Variants in GIMAP6 observed in about 807,000 individuals in gnomAD.
GIMAP6 encodes GTPase, IMAP family member 6.
In GIMAP6, 6 loss-of-function variants were observed where a neutral mutation model predicts 9.3. The observed-to-expected ratio is 0.65, with a 90% CI of 0.35 to 1.27. The LOEUF is 1.27. GIMAP6 is among the 50% of genes most tolerant of loss of function. The pLI, the probability that GIMAP6 is intolerant of heterozygous loss-of-function variation, is 0.03. For missense variants in GIMAP6, 333 were observed against 359.5 expected (o/e 0.93, Z 0.60); for synonymous variants, 156 against 151.1 (o/e 1.03, Z -0.24).
At chr7:150,631,427 GAGTT>G (rs1004072985) in intron 1 of GIMAP6, among the ~76,000 whole-genome samples, 4 of 152,178 alleles carry the variant, frequency 2.6e-5, no homozygotes, top group African/African-American at 9.7e-5. Context: ...CTACCAAAGG[GAGTT>G]AGTTCTTCCT....
rs1010565765 is a variant in GIMAP6, at chr7:150,628,093, C to T, written c.505G>A (p.Ala169Thr). 3 of 1,614,210 alleles carry T rather than the reference C, an allele frequency of 1.9e-6. No homozygotes were observed. The highest frequency in any genetic ancestry group is 2.5e-6 in the Non-Finnish European group (3 of 1,180,046). Residue 169 changes from alanine (A) to threonine (T), a missense_variant, in exon 3 of 3, where the codon GCT (alanine) becomes ACT (threonine). Ala to Thr is a moderately conservative substitution (Grantham distance 58). Transcript: ENST00000328902. Reference sequence around the variant, plus strand: ...ACATAGTCTTCCAGGGAGCCGCCAGCCAGGTCTTCCTTCCGGGTGAACACC... The same window carrying T: ...ACATAGTCTTCCAGGGAGCCGCCAGTCAGGTCTTCCTTCCGGGTGAACACC... ...ILVFTRKEDL[A>T]GGSLEDYVRE...
In GIMAP6 at chr7:150,628,268, G is replaced by A. The variant is rs369994995; in HGVS notation, c.330C>T (p.Asp110=). ...ATAAGACGATGGCTTGGCAGATAGC[G>A]TCTGCCACCTCTGGCGAGACCTGGG... ...LSPQVSPEVA[D]AICQAIVLSA... Residue 110 remains aspartate, a synonymous_variant, in exon 3 of 3, where the codon GAC becomes GAT. Transcript: ENST00000328902. The A allele has an allele frequency of 1.6e-4, 251 of 1,614,120 alleles. 1 individual carries two copies. In the South Asian group the frequency reaches 2.3e-3, roughly 15 times the overall value.
rs3735084 is a variant in GIMAP6, at chr7:150,627,737, C to T, written c.861G>A (p.Leu287=). 0.31 allele frequency: 496,329 copies of T among 1,613,202 alleles called. 76,866 individuals carry two copies. Among genetic ancestry groups the T allele is most frequent in the East Asian group, 0.33 (14,883 of 44,844 alleles). Residue 287 remains leucine (L), a synonymous_variant, in exon 3 of 3, where the codon CTG becomes CTA. Transcript: ENST00000328902. ...KESEEAHRCL[L]GKADL ...CACAGGCTCAAAGGTCAGCCTTCCC[C>T]AGCAGGCATCTGTGGGCTTCCTCAG...
chr7:150,630,599 G>A (rs1024375697), intron 1 of GIMAP6, among the ~76,000 whole-genome samples: 15 of 152,212 alleles, frequency 9.9e-5, no homozygotes, highest in African/African-American at 3.6e-4. Context: ...CCTGGAGGAC[G>A]TGAATGAGTA....
In GIMAP6 at chr7:150,628,318, T is replaced by A; in HGVS notation, c.280A>T (p.Ile94Phe). The change falls in exon 3 of 3, where the codon ATT (isoleucine) becomes TTT (phenylalanine). Residue 94 changes from isoleucine to phenylalanine, a missense_variant. By Grantham distance (21) the Ile-to-Phe change is conservative (BLOSUM62 0). Coordinates refer to ENST00000328902, the MANE Select transcript of GIMAP6 (RefSeq NM_024711.6). ...GGGGACAGAATGTTGGGTGTGTCAA[T>A]CACCTCAAGCTCCTTCCCAGCCCAC... is the stretch of plus-strand genomic sequence containing the variant. ...REWAGKELEV[I>F]DTPNILSPQV... The A allele has an allele frequency of 6.2e-7, 1 of 1,614,160 alleles. No homozygotes were observed. Among genetic ancestry groups the A allele is most frequent in the Non-Finnish European group, 8.5e-7 (1 of 1,180,000 alleles).
At chr7:150,630,238 G>T (rs1796370242) in intron 1 of GIMAP6, 96 bp from the exon 2 acceptor site, 9 of 1,016,588 alleles carry the variant, frequency 8.9e-6, no homozygotes, top group Non-Finnish European at 9.9e-6. Flanking sequence ...CTTGCCAGAG[G>T]AAAGTTTTTT....
Position 150,627,576 on chromosome 7 carries a change from T to A in GIMAP6, c.*143A>T. 1 of 957,822 alleles carries A rather than the reference T, an allele frequency of 1.0e-6. No homozygotes were observed. The highest frequency in any genetic ancestry group is 1.6e-6 in the Non-Finnish European group (1 of 614,696). 59.3% of individuals were successfully genotyped at this position (957,822 alleles called of 1,614,324 possible). A position where few individuals can be genotyped will look rare whatever the true frequency, so the allele number is the denominator to read the frequency against. On this transcript the variant is annotated 3_prime_UTR_variant, in exon 3 of 3. Transcript: ENST00000328902. ...GATCTGGGCATGCTGGACCCTGTCC[T>A]CAAGCCCCATGCCCCTCTTCCTACA...
chr7:150,630,279 T>TGG, intron 1 of GIMAP6, 137 bp from the exon 2 acceptor site: 1 of 593,300 alleles, frequency 1.7e-6, no homozygotes, highest in Non-Finnish European at 2.8e-6. Context: ...TGGGACTGAG[T>TGG]GAGGCAATGG....
chr7:150,628,552 G>T lies in GIMAP6; in HGVS notation c.86-40C>A, dbSNP rs755637582. The T allele has an allele frequency of 1.9e-6, 3 of 1,605,744 alleles. No homozygotes were observed. In the East Asian group the frequency reaches 6.7e-5, roughly 36 times the overall value. The stretch of plus-strand genomic sequence containing the variant: ...AGAAAGCAGAGGGAACTGGGGTAAG[G>T]GCCCATGTACCCCATCTTGTCATCA... On this transcript the variant is annotated intron_variant, in intron 2 of 2. Coordinates refer to ENST00000328902, the MANE Select transcript of GIMAP6 (RefSeq NM_024711.6).
At position 150,626,892 on chromosome 7, in the gene GIMAP6, T is replaced by C. The variant is rs1309952349; in HGVS notation, c.*827A>G. On this transcript the variant is annotated 3_prime_UTR_variant, in exon 3 of 3. Transcript: ENST00000328902. ...CCATGGAAAAAGGGGAAGTAACAGA[T>C]GCAAGTCATCTCTAATCTAAGTCTA... The C allele has an allele frequency of 6.6e-6, 1 of 152,250 alleles. No homozygotes were observed. The highest frequency in any genetic ancestry group is 1.5e-5 in the Non-Finnish European group (1 of 68,090). 9.4% of individuals were successfully genotyped at this position (152,250 alleles called of 1,614,324 possible).
intron 2 of GIMAP6, among the ~76,000 whole-genome samples, chr7:150,629,290 T>C (rs1234774309): frequency 1.3e-5 from 2 of 152,260 alleles, no homozygotes; most frequent in African/African-American, 2.4e-5. Context: ...CCTTGATTGC[T>C]ATAACAAAAG....
At chr7:150,629,802 T>A (rs1585183430) in intron 2 of GIMAP6, among the ~76,000 whole-genome samples, 1 of 152,214 alleles carries the variant, frequency 6.6e-6, no homozygotes, top group East Asian at 1.9e-4. Flanking sequence ...CCTTTGGGAC[T>A]GGCATGGTGA....
At chr7:150,631,937 A>G (rs1410853452) in intron 1 of GIMAP6, among the ~76,000 whole-genome samples, 1 of 151,966 alleles carries the variant, frequency 6.6e-6, no homozygotes, top group Non-Finnish European at 1.5e-5. Flanking sequence ...TACACAAAAC[A>G]CATGTACCAC....
At position 150,627,486 on chromosome 7, in the gene GIMAP6, C is replaced by A; in HGVS notation, c.*233G>T. 1 of 592,320 alleles carries A rather than the reference C, an allele frequency of 1.7e-6. No homozygotes were observed. The highest frequency in any genetic ancestry group is 3.0e-6 in the Non-Finnish European group (1 of 332,070). 36.7% of individuals were successfully genotyped at this position (592,320 alleles called of 1,614,324 possible). On this transcript the variant is annotated 3_prime_UTR_variant, in exon 3 of 3. Coordinates refer to ENST00000328902, the MANE Select transcript of GIMAP6 (RefSeq NM_024711.6). The stretch of plus-strand genomic sequence containing the variant: ...GAAGGTCCAATAGGAAGACAGCGTG[C>A]TGTTGGGGCACAGAGGAGGGAGGAC...
rs964736814 is a variant in GIMAP6 at position 150,628,446 on chromosome 7, C to T, written c.152G>A (p.Ser51Asn). Residue 51 changes from serine (S) to asparagine (N), a missense_variant, in exon 3 of 3, where the codon AGT becomes AAT. Ser to Asn is a conservative substitution (Grantham distance 46, BLOSUM62 1). Transcript: ENST00000328902. Reference protein sequence around the residue: ...LRLILMGKTGSGKSATGNSIL... With the variant: ...LRLILMGKTGNGKSATGNSIL... ...GCTGTTTCCTGTTGCACTCTTCCCA[C>T]TCCCTGTTTTCCCCATGAGAATGAG... 6.2e-6 allele frequency: 10 copies of T among 1,614,100 alleles called. No individual in the cohort carries two copies. Among genetic ancestry groups the T allele is most frequent in the Admixed American group, 1.7e-5 (1 of 60,014 alleles).
In GIMAP6 at chr7:150,627,310, G is replaced by C; in HGVS notation, c.*409C>G. 8.2e-6 allele frequency: 2 copies of C among 243,474 alleles called. No individual in the cohort carries two copies. The highest frequency in any genetic ancestry group is 1.1e-4 in the South Asian group (2 of 18,910). 15.1% of individuals were successfully genotyped at this position (243,474 alleles called of 1,614,324 possible). A position where few individuals can be genotyped will look rare whatever the true frequency, so the allele number is the denominator to read the frequency against. On this transcript the variant is annotated 3_prime_UTR_variant, in exon 3 of 3. Coordinates refer to ENST00000328902, the MANE Select transcript of GIMAP6 (RefSeq NM_024711.6). ...AGTCATCTGGTCAACAGCTTGCATG[G>C]AGTTGCCGCACCAAACGTGACTGCA...
chr7:150,628,976 A>C (rs950981552), intron 2 of GIMAP6, among the ~76,000 whole-genome samples: 2 of 152,188 alleles, frequency 1.3e-5, no homozygotes, highest in Admixed American at 1.3e-4. Context: ...CATCTCCTGA[A>C]TCTCCTGGGC....
rs2116774845 is a variant in GIMAP6 at position 150,625,734 on chromosome 7, A to G, written c.*1985T>C. The G allele has an allele frequency of 6.6e-6, 1 of 152,322 alleles. No individual in the cohort carries two copies. The highest frequency in any genetic ancestry group is 1.9e-4 in the East Asian group (1 of 5,186). The allele number at this position is 152,322 out of a possible 1,614,324, so 9.4% of individuals were successfully genotyped here. ...TGGGGGGAAATTACAGAATGATTTT[A>G]ACTCTCACATAGAAGAAAAAAATGC... is the stretch of plus-strand genomic sequence containing the variant. On this transcript the variant is annotated 3_prime_UTR_variant, in exon 3 of 3. Coordinates refer to ENST00000328902, the MANE Select transcript of GIMAP6 (RefSeq NM_024711.6).
intron 2 of GIMAP6, 36 bp from the exon 3 acceptor site, chr7:150,628,548 T>C (rs375975831): frequency 1.2e-6 from 2 of 1,606,460 alleles, no homozygotes; most frequent in Non-Finnish European, 1.7e-6. Flanking sequence ...GGAACTGGGG[T>C]AAGGGCCCAT....
Sources: allele counts gnomAD v4.1 joint callset (sites outside exome capture counted in the v4.1 genomes callset), GRCh38; gene constraint gnomAD v4.1.1; transcripts MANE v1.5; gene names NCBI Gene and HGNC (gene_info 2026-07-23, HGNC 2026-07-21).